The following SPOCK3 variants were observed in gnomAD, a reference collection of about 807,000 sequenced individuals.
SPOCK3 encodes the protein testican-3.
Under a neutral mutation model 56.6 loss-of-function variants are expected in SPOCK3, and 30 were observed. The ratio of observed to expected loss-of-function variants is 0.53; its 90% CI spans 0.40 to 0.72. SPOCK3 has a LOEUF of 0.72. Ranked by LOEUF, SPOCK3 falls within the 30% of genes least tolerant of loss-of-function variation. The probability of loss-of-function intolerance (pLI) is 0.00; values close to 1 mark genes in which losing one functional copy is unlikely to be tolerated. For synonymous variants in SPOCK3, 196 were observed against 183.3 expected, an observed-to-expected ratio of 1.07 and a Z score of -0.56; for missense variants, 527 against 530.0, an observed-to-expected ratio of 0.99 and a Z score of 0.06.
At position 167,068,753 on chromosome 4, in the gene SPOCK3, C is replaced by A. The variant is rs181732374; in HGVS notation, c.190-6216G>T. ...ATTTATTGTGCTCCAGTAGATTCTA[C>A]AGAAAAAGAAAATTGAGTGGTACAC... On this transcript the variant is annotated intron_variant, in intron 2 of 10. Coordinates refer to ENST00000357545, the MANE Select transcript of SPOCK3 (RefSeq NM_001040159.2). 5.3e-5 allele frequency among the ~76,000 whole-genome samples: 8 copies of A among 151,736 alleles called. No individual in the cohort carries two copies. In the East Asian group the frequency reaches 1.6e-3, roughly 30 times the overall value.
chr4:166,842,010 G>A (rs1333883668), intron 6 of SPOCK3, among the ~76,000 whole-genome samples: 1 of 152,206 alleles, frequency 6.6e-6, no homozygotes, highest in Non-Finnish European at 1.5e-5. Context: ...CAGGAGTGAA[G>A]CTGCAGACCT....
At chr4:166,890,824 C>T (rs1383743807) in intron 5 of SPOCK3, among the ~76,000 whole-genome samples, 5 of 151,794 alleles carry the variant, frequency 3.3e-5, no homozygotes, top group African/African-American at 9.7e-5. Context: ...TTTTCTGTCT[C>T]GTTGATCTGT....
At chr4:166,884,491 A>G (rs1229806702) in intron 6 of SPOCK3, among the ~76,000 whole-genome samples, 1 of 152,220 alleles carries the variant, frequency 6.6e-6, no homozygotes, top group Non-Finnish European at 1.5e-5. Flanking sequence ...TATTAAGTAT[A>G]GAAAAAATTA....
At chr4:167,035,426 T>C (rs903644842) in intron 3 of SPOCK3, among the ~76,000 whole-genome samples, 1 of 151,844 alleles carries the variant, frequency 6.6e-6, no homozygotes, top group African/African-American at 2.4e-5. Flanking sequence ...AAAAAAAAAG[T>C]ATCCTAGGGT....
chr4:166,787,575 CACAA>C (rs1385086434), intron 7 of SPOCK3, among the ~76,000 whole-genome samples: 4 of 151,966 alleles, frequency 2.6e-5, no homozygotes, highest in African/African-American at 9.7e-5. Context: ...TAATAAAAAA[CACAA>C]ACAAGCGTTT....
At chr4:166,852,727 C>T (rs1313891712) in intron 6 of SPOCK3, among the ~76,000 whole-genome samples, 1 of 152,132 alleles carries the variant, frequency 6.6e-6, no homozygotes, top group African/African-American at 2.4e-5. Context: ...GAGAAATAAA[C>T]CTCCCCTTTC....
chr4:166,791,478 A>G (rs958314727), intron 7 of SPOCK3, among the ~76,000 whole-genome samples: 2 of 152,182 alleles, frequency 1.3e-5, no homozygotes, highest in Non-Finnish European at 2.9e-5. Context: ...CAATCTTTGA[A>G]AGATTCAGCC....
intron 2 of SPOCK3, among the ~76,000 whole-genome samples, chr4:167,078,308 CTGTGTGTGTGTGTGTG>C (rs3082377): frequency 0.01 from 1,068 of 105,116 alleles, 12 homozygotes; most frequent in Middle Eastern, 0.032. Flanking sequence ...GGTCATAACT[CTGTGTGTGTGTGTGTG>C]TGTGTGTGTG....
chr4:166,744,579 C>T (rs577896250), intron 8 of SPOCK3, among the ~76,000 whole-genome samples: 358 of 152,300 alleles, frequency 2.4e-3, no homozygotes, highest in African/African-American at 8.3e-3. Flanking sequence ...GCCTATTCTC[C>T]TCCAAAGGAA....
At chr4:166,962,162 T>C (rs1744213710) in intron 4 of SPOCK3, among the ~76,000 whole-genome samples, 1 of 152,150 alleles carries the variant, frequency 6.6e-6, no homozygotes, top group African/African-American at 2.4e-5. Flanking sequence ...CAATAATCCA[T>C]GAAATTTAAC....
chr4:167,197,830 A>T (rs1733109016), intron 2 of SPOCK3, among the ~76,000 whole-genome samples: 1 of 152,194 alleles, frequency 6.6e-6, no homozygotes, highest in South Asian at 2.1e-4. Flanking sequence ...TACAAAAAAC[A>T]TTATTTTCTT....
chr4:166,868,975 G>A (rs1216289854), intron 6 of SPOCK3, among the ~76,000 whole-genome samples: 1 of 152,082 alleles, frequency 6.6e-6, no homozygotes, highest in Non-Finnish European at 1.5e-5. Flanking sequence ...TGGAAATAAA[G>A]TTTTAAAGAA....
intron 3 of SPOCK3, among the ~76,000 whole-genome samples, chr4:167,019,464 TTA>T (rs1220915843): frequency 6.6e-6 from 1 of 151,642 alleles, no homozygotes; most frequent in Non-Finnish European, 1.5e-5. Flanking sequence ...CATATATAAT[TTA>T]TAGAGAATGT....
At chr4:167,081,709 G>A (rs1291889463) in intron 2 of SPOCK3, among the ~76,000 whole-genome samples, 1 of 152,070 alleles carries the variant, frequency 6.6e-6, no homozygotes, top group African/African-American at 2.4e-5. Flanking sequence ...GGGAAAGAGA[G>A]AGGCAAGGAG....
At chr4:167,099,965 G>T (rs1246655363) in intron 2 of SPOCK3, among the ~76,000 whole-genome samples, 10 of 152,020 alleles carry the variant, frequency 6.6e-5, no homozygotes, top group Admixed American at 5.2e-4. Context: ...GTACAATTTG[G>T]TCTGAGCTAT....
chr4:167,059,720 C>T (rs1380920430), intron 3 of SPOCK3, among the ~76,000 whole-genome samples: 2 of 152,124 alleles, frequency 1.3e-5, no homozygotes, highest in East Asian at 1.9e-4. Flanking sequence ...TATTGCGGCA[C>T]TATTCACAAT....
rs1186862338 is a variant in SPOCK3, at chr4:166,977,016, G to A, written c.350+23333C>T. The stretch of plus-strand genomic sequence containing the variant: ...TGATAAGCACACATGGTTAATAAAA[G>A]GCAGAGCAAAAATTTAAGCCAGTCT... On this transcript the variant is annotated intron_variant, in intron 4 of 10. Transcript: ENST00000357545. Among the ~76,000 whole-genome samples, 3 of 151,860 alleles carry A rather than the reference G, an allele frequency of 2.0e-5. No homozygotes were observed. The East Asian group carries it at 5.8e-4, about 29-fold the overall frequency.
At chr4:167,222,319 G>A (rs1291089827) in intron 2 of SPOCK3, among the ~76,000 whole-genome samples, 1 of 151,916 alleles carries the variant, frequency 6.6e-6, no homozygotes, top group Non-Finnish European at 1.5e-5. Flanking sequence ...GTGGTTAAAT[G>A]AGTATAAAGT....
At chr4:166,885,603 C>G (rs1315561942) in intron 6 of SPOCK3, among the ~76,000 whole-genome samples, 1 of 152,036 alleles carries the variant, frequency 6.6e-6, no homozygotes, top group Non-Finnish European at 1.5e-5. Context: ...TCCTTTTTTA[C>G]CCAGCTTCAC....
Sources: allele counts gnomAD v4.1 joint callset (sites outside exome capture counted in the v4.1 genomes callset), GRCh38; gene constraint gnomAD v4.1.1; transcripts MANE v1.5; gene names NCBI Gene and HGNC (gene_info 2026-07-23, HGNC 2026-07-21).